ZNF446: variants seen among roughly 807,000 people sequenced by gnomAD.
The protein encoded by ZNF446 is zinc finger protein with KRAB and SCAN domains 20.
In ZNF446, 42 loss-of-function variants were observed where a neutral mutation model predicts 34.0. That is an observed-to-expected ratio of 1.23 (90% CI 0.96 to 1.60). The LOEUF (loss-of-function observed/expected upper bound fraction) is 1.60, where lower values mean the gene tolerates loss of function less well. ZNF446 is among the 40% of genes most tolerant of loss of function. The pLI is 0.00. For missense variants in ZNF446, 650 were observed against 600.2 expected (o/e 1.08, Z -0.87); for synonymous variants, 315 against 251.0 (o/e 1.25, Z -2.41).
At position 58,479,739 on chromosome 19, in the gene ZNF446, C is replaced by A. The variant is rs758833531; in HGVS notation, c.712+12C>A. The A allele has an allele frequency of 3.7e-6, 6 of 1,605,388 alleles. No homozygotes were observed. In the African/African-American group the frequency reaches 5.3e-5, roughly 14 times the overall value. ...AGTGGTCTCCCTGGGTGAGGACCAG[C>A]CAGCCCCACCCCGCCCCTCTCCCTG... On this transcript the variant is annotated intron_variant, in intron 5 of 6. Transcript: ENST00000594369.
chr19:58,484,968 G>A (rs1339464805), downstream of ZNF446, among the ~76,000 whole-genome samples: 2 of 152,220 alleles, frequency 1.3e-5, no homozygotes, highest in African/African-American at 4.8e-5. Flanking sequence ...TGAGGCAGGA[G>A]GATCACCTGA....
chr19:58,482,152 T>C (rs1193903264), downstream of ZNF446, among the ~76,000 whole-genome samples: 1 of 152,086 alleles, frequency 6.6e-6, no homozygotes, highest in Non-Finnish European at 1.5e-5. Flanking sequence ...GAATAATCCA[T>C]TTTGTTGCCT....
At chr19:58,478,275 AC>A in intron 4 of ZNF446, 94 bp downstream of exon 4, 1 of 1,173,052 alleles carries the variant, frequency 8.5e-7, no homozygotes, top group Non-Finnish European at 1.2e-6. Context: ...AGGCTCCTTG[AC>A]TAGTGGCTCT....
the ZNF446 span, among the ~76,000 whole-genome samples, chr19:58,488,127 C>T: frequency 6.6e-6 from 1 of 150,380 alleles, no homozygotes; most frequent in Non-Finnish European, 1.5e-5. Flanking sequence ...CGTGACCACA[C>T]ACCCTGTTCA....
chr19:58,486,325 G>A, the ZNF446 span, among the ~76,000 whole-genome samples: 1 of 150,790 alleles, frequency 6.6e-6, no homozygotes, highest in Non-Finnish European at 1.5e-5. Context: ...TCCTGACCTC[G>A]TGATCCACCT....
chr19:58,484,297 C>T (rs1250498512), downstream of ZNF446, among the ~76,000 whole-genome samples: 5 of 118,012 alleles, frequency 4.2e-5, no homozygotes, highest in African/African-American at 1.3e-4. Context: ...AAAAAAAACA[C>T]ACAATTAAAA....
chr19:58,483,268 G>A (rs2053152129), downstream of ZNF446, among the ~76,000 whole-genome samples: 1 of 152,076 alleles, frequency 6.6e-6, no homozygotes, highest in Admixed American at 6.5e-5. Context: ...CAAGGCAGGT[G>A]GACCACTTGG....
At chr19:58,481,484 C>T (rs1040054054), downstream of ZNF446, among the ~76,000 whole-genome samples, 5 of 152,130 alleles carry the variant, frequency 3.3e-5, no homozygotes, top group South Asian at 2.1e-4. Flanking sequence ...TTTCGAAGTA[C>T]GGCTGGACAA....
the ZNF446 span, among the ~76,000 whole-genome samples, chr19:58,486,896 G>T: frequency 6.6e-6 from 1 of 151,678 alleles, no homozygotes; most frequent in Non-Finnish European, 1.5e-5. Context: ...TCCGCCTCCT[G>T]GGTTCACGCC....
downstream of ZNF446, among the ~76,000 whole-genome samples, chr19:58,484,039 A>G (rs1184010100): frequency 6.6e-6 from 1 of 152,170 alleles, no homozygotes; most frequent in Non-Finnish European, 1.5e-5. Context: ...GGGATTGGTG[A>G]GTTACAGGGA....
chr19:58,487,537 G>A, the ZNF446 span, among the ~76,000 whole-genome samples: 41 of 152,204 alleles, frequency 2.7e-4, no homozygotes, highest in East Asian at 5.6e-3. Flanking sequence ...GTCCAGGCGC[G>A]GTGGCTCACG....
In ZNF446 at chr19:58,479,996, G is replaced by C; in HGVS notation, c.779G>C (p.Gly260Ala). Residue 260 changes from glycine (G) to alanine (A), a missense_variant, in exon 6 of 7, where the codon GGC (glycine) becomes GCC (alanine). By Grantham distance (60) the Gly-to-Ala change is moderately conservative. Transcript: ENST00000594369. ...CTGGGGATGCTGCTCACGGGGACAG[G>C]CGTCTGCAGAAGCCTGCGCTCGGGT... is the stretch of plus-strand genomic sequence containing the variant. ...SELGMLLTGT[G>A]VCRSLRSGNE... 1 of 1,589,308 alleles carries C rather than the reference G, an allele frequency of 6.3e-7. No homozygotes were observed. Among genetic ancestry groups the C allele is most frequent in the Non-Finnish European group, 8.5e-7 (1 of 1,170,902 alleles).
rs1270972362 is a variant in ZNF446 at position 58,480,677 on chromosome 19, A to G, written c.1304A>G (p.Lys435Arg). ...CSDCGRAFDW[K>R]SQLVIHRKGH... is the part of the protein sequence containing the mutation. Reference sequence around the variant, plus strand: ...GACTGTGGCCGCGCCTTCGACTGGAAGTCGCAGCTGGTCATCCACCGCAAG... The same window carrying G: ...GACTGTGGCCGCGCCTTCGACTGGAGGTCGCAGCTGGTCATCCACCGCAAG... The change falls in exon 7 of 7, where the codon AAG becomes AGG. Residue 435 changes from lysine to arginine, a missense_variant. By Grantham distance (26) the Lys-to-Arg change is conservative. Coordinates refer to ENST00000594369, the MANE Select transcript of ZNF446 (RefSeq NM_017908.4). This position sits in a 1 kb window ranked among gnomAD's most constrained non-coding sequence, Gnocchi z 7.2. 2 of 1,610,340 alleles carry G rather than the reference A, an allele frequency of 1.2e-6. No homozygotes were observed. Among genetic ancestry groups the G allele is most frequent in the East Asian group, 4.5e-5 (2 of 44,860 alleles).
intron 1 of ZNF446, 98 bp downstream of exon 1, chr19:58,476,602 T>C (rs575363124): frequency 6.6e-6 from 1 of 152,352 alleles, no homozygotes; most frequent in East Asian, 1.9e-4. Context: ...TCTTGGCCTT[T>C]GCTTTTCGTT....
chr19:58,479,603 G>A, intron 4 of ZNF446, 40 bp from the exon 5 acceptor site: 2 of 1,604,222 alleles, frequency 1.2e-6, no homozygotes, highest in Non-Finnish European at 1.7e-6. Context: ...GGGCAGGGAA[G>A]GGGTGGAAAG....
chr19:58,477,211 G>A lies in ZNF446; in HGVS notation c.-8G>A, dbSNP rs201466747. 23 of 1,542,856 alleles carry A rather than the reference G, an allele frequency of 1.5e-5. No homozygotes were observed. Among genetic ancestry groups the A allele is most frequent in the East Asian group, 2.3e-5 (1 of 44,144 alleles). On this transcript the variant is annotated 5_prime_UTR_variant, in exon 2 of 7. Transcript: ENST00000594369. ...TTGACGATTCCAAGACCACCCCCTT[G>A]AGCAAGAATGCCATCCCCTCTGGGT...
chr19:58,481,040 C>G lies in ZNF446; in HGVS notation c.*314C>G. 1 of 374,274 alleles carries G rather than the reference C, an allele frequency of 2.7e-6. No homozygotes were observed. The allele number at this position is 374,274 out of a possible 1,614,324, so 23.2% of individuals were successfully genotyped here. A position where few individuals can be genotyped will look rare whatever the true frequency, so the allele number is the denominator to read the frequency against. On this transcript the variant is annotated 3_prime_UTR_variant, in exon 7 of 7. Coordinates refer to ENST00000594369, the MANE Select transcript of ZNF446 (RefSeq NM_017908.4). ...TGTGACATGGCCTGGGCTGACAACA[C>G]TCCCTCTCCTGGGACCTCCTTGCCT...
intron 5 of ZNF446, 44 bp downstream of exon 5, chr19:58,479,771 G>T: frequency 6.3e-7 from 1 of 1,589,790 alleles, no homozygotes; most frequent in South Asian, 1.1e-5. Context: ...CCTGGGGCCT[G>T]CACCCACCCT....
chr19:58,486,301 G>A, the ZNF446 span, among the ~76,000 whole-genome samples: 5 of 151,950 alleles, frequency 3.3e-5, no homozygotes, highest in Non-Finnish European at 5.9e-5. Context: ...ATGTTAGCCA[G>A]GATGGTCTCA....
Sources: gnomAD v4.1 joint callset for allele counts (sites outside exome capture counted in the v4.1 genomes callset) on GRCh38, gnomAD v4.1.1 for gene constraint, Gnocchi (gnomAD v3.1) non-coding constraint, MANE v1.5 for transcripts, NCBI Gene and HGNC (gene_info 2026-07-23, HGNC 2026-07-21) for gene names.